CDC73: variants seen among roughly 807,000 people sequenced by gnomAD.
The protein encoded by CDC73 is parafibromin.
CDC73 carries 21 observed loss-of-function variants against 83.7 expected under a neutral mutation model. The observed-to-expected ratio is 0.25, with a 90% confidence interval of 0.18 to 0.36. The LOEUF (loss-of-function observed/expected upper bound fraction) is 0.36. Among genes scored for constraint, CDC73 ranks in the 10% least tolerant of loss-of-function variants. The pLI, the probability that CDC73 is intolerant of heterozygous loss-of-function variation, is 1.00. For missense variants in CDC73, 342 were observed against 653.3 expected (o/e 0.52, Z 5.19); for synonymous variants, 224 against 212.9 (o/e 1.05, Z -0.45).
chr1:193,145,049 A>G (rs1357465204), intron 7 of CDC73, among the ~76,000 whole-genome samples: 1 of 152,206 alleles, frequency 6.6e-6, no homozygotes, highest in Non-Finnish European at 1.5e-5. Flanking sequence ...TACAAATAAT[A>G]TTAACAAGTA....
intron 15 of CDC73, among the ~76,000 whole-genome samples, chr1:193,249,451 A>G (rs897668131): frequency 5.9e-5 from 9 of 151,954 alleles, no homozygotes; most frequent in East Asian, 3.8e-4. Flanking sequence ...TGAACCCACA[A>G]TATCTCCAAG....
chr1:193,152,774 TTTTA>T (rs1173124689), intron 10 of CDC73, among the ~76,000 whole-genome samples: 1 of 152,062 alleles, frequency 6.6e-6, no homozygotes, highest in East Asian at 1.9e-4. Flanking sequence ...TTGTTTTTAT[TTTTA>T]TTTATTTATT....
intron 10 of CDC73, among the ~76,000 whole-genome samples, chr1:193,193,052 A>C (rs1030014096): frequency 6.6e-6 from 1 of 152,112 alleles, no homozygotes; most frequent in African/African-American, 2.4e-5. Context: ...CTGTAATTTT[A>C]TAATTTCTCC....
At chr1:193,230,945 TATA>T (rs1677653654) in intron 13 of CDC73, among the ~76,000 whole-genome samples, 1 of 152,202 alleles carries the variant, frequency 6.6e-6, no homozygotes, top group South Asian at 2.1e-4. Flanking sequence ...AATACGTAGA[TATA>T]ATCAGAAATT....
At chr1:193,181,518 G>C in intron 10 of CDC73, 1 of 1,609,022 alleles carries the variant, frequency 6.2e-7, no homozygotes. Flanking sequence ...TGGCATTCCA[G>C]GTCATCTTTG....
At chr1:193,176,114 T>C (rs115787870) in intron 10 of CDC73, among the ~76,000 whole-genome samples, 137 of 152,342 alleles carry the variant, frequency 9.0e-4, no homozygotes, top group African/African-American at 3.2e-3. Context: ...AACATTGGGC[T>C]AGTTTTCTTT....
chr1:193,148,416 C>CT (rs1676046966), intron 8 of CDC73, among the ~76,000 whole-genome samples: 2 of 152,254 alleles, frequency 1.3e-5, no homozygotes, highest in South Asian at 4.1e-4. Context: ...TTCAGCTGCT[C>CT]TGAGAGTTGA....
chr1:193,145,336 G>T (rs559565985), intron 7 of CDC73, among the ~76,000 whole-genome samples: 7 of 152,262 alleles, frequency 4.6e-5, no homozygotes, highest in African/African-American at 1.4e-4. Context: ...ACCTTTTCCA[G>T]CTGTTTGTGT....
Position 193,130,260 on chromosome 1 carries a change from T to A in CDC73, c.307+17T>A. The stretch of plus-strand genomic sequence containing the variant: ...GTGAAGCGTGTGAGTACTTTTTAAA[T>A]TGTTCCCAGTCTTAAACAGACATTG... On this transcript the variant is annotated intron_variant, in intron 3 of 16. Coordinates refer to ENST00000367435, the MANE Select transcript of CDC73 (RefSeq NM_024529.5). The A allele has an allele frequency of 7.0e-7, 1 of 1,421,944 alleles. No individual in the cohort carries two copies. The allele number at this position is 1,421,944 out of a possible 1,614,324, so 88.1% of individuals were successfully genotyped here.
Position 193,212,747 on chromosome 1 carries a change from G to A in CDC73, c.1154+270G>A, listed in dbSNP as rs147678053. 5.7e-3 allele frequency among the ~76,000 whole-genome samples: 868 copies of A among 152,136 alleles called. 5 individuals carry two copies. The highest frequency in any genetic ancestry group is 0.01 in the Non-Finnish European group (691 of 67,962). ...CTTTTAATATGAATTGTTTTCTTTTGATGATTTTCTCTGAGAGAGCTTGAG... is the reference window on the plus strand; with the variant it reads ...CTTTTAATATGAATTGTTTTCTTTTAATGATTTTCTCTGAGAGAGCTTGAG... On this transcript the variant is annotated intron_variant, in intron 13 of 16. Transcript: ENST00000367435.
chr1:193,206,239 T>C (rs1558310817), intron 11 of CDC73, among the ~76,000 whole-genome samples: 1 of 152,186 alleles, frequency 6.6e-6, no homozygotes, highest in Non-Finnish European at 1.5e-5. Flanking sequence ...TGTTCTAGCT[T>C]ACTTTTTAGC....
chr1:193,135,810 T>C (rs968312165), intron 5 of CDC73, among the ~76,000 whole-genome samples: 1 of 151,940 alleles, frequency 6.6e-6, no homozygotes, highest in Non-Finnish European at 1.5e-5. Context: ...TCTTTGCTTT[T>C]ATATTCTTAT....
chr1:193,162,329 TATA>T (rs1301428003), intron 10 of CDC73, among the ~76,000 whole-genome samples: 1 of 136,112 alleles, frequency 7.3e-6, no homozygotes, highest in East Asian at 2.0e-4. Flanking sequence ...ATATATACTA[TATA>T]CTATATATTA....
intron 2 of CDC73, among the ~76,000 whole-genome samples, chr1:193,129,101 G>A (rs1011546860): frequency 2.6e-5 from 4 of 151,104 alleles, no homozygotes; most frequent in African/African-American, 2.4e-5. Flanking sequence ...AGGTTCAAGC[G>A]ATTCTCTTGC....
chr1:193,182,326 C>A (rs905377431), intron 10 of CDC73, among the ~76,000 whole-genome samples: 1 of 152,054 alleles, frequency 6.6e-6, no homozygotes, highest in African/African-American at 2.4e-5. Context: ...TTAACACTTT[C>A]AAAAATTTTA....
intron 11 of CDC73, among the ~76,000 whole-genome samples, chr1:193,211,648 G>C (rs536141692): frequency 1.3e-4 from 20 of 152,278 alleles, no homozygotes; most frequent in African/African-American, 4.3e-4. Flanking sequence ...CTAAAGGGTG[G>C]GTAGTGTATA....
intron 1 of CDC73, among the ~76,000 whole-genome samples, chr1:193,123,376 C>T (rs1426619999): frequency 1.3e-5 from 2 of 152,170 alleles, no homozygotes; most frequent in South Asian, 4.1e-4. Flanking sequence ...TGCAGGCCCC[C>T]GCCACCATGG....
At chr1:193,247,924 A>G (rs1267391276) in intron 15 of CDC73, among the ~76,000 whole-genome samples, 1 of 152,114 alleles carries the variant, frequency 6.6e-6, no homozygotes, top group Non-Finnish European at 1.5e-5. Context: ...TGAAGCAGCA[A>G]GTGCTGATAA....
chr1:193,206,294 G>A (rs142786495), intron 11 of CDC73, among the ~76,000 whole-genome samples: 302 of 152,238 alleles, frequency 2.0e-3, no homozygotes, highest in Non-Finnish European at 3.6e-3. Context: ...CTCTGAATGA[G>A]TGTCTCATCA....
Sources: gnomAD v4.1 joint callset for allele counts (sites outside exome capture counted in the v4.1 genomes callset) on GRCh38, gnomAD v4.1.1 for gene constraint, MANE v1.5 for transcripts, NCBI Gene and HGNC (gene_info 2026-07-23, HGNC 2026-07-21) for gene names.